PPP2R2B: variants seen among roughly 807,000 people sequenced by gnomAD.
The protein encoded by PPP2R2B is serine/threonine-protein phosphatase 2A 55 kDa regulatory subunit B beta isoform.
A neutral mutation model predicts 46.0 loss-of-function variants in PPP2R2B; 5 were observed. That is an observed-to-expected ratio of 0.11 (90% CI 0.06 to 0.23). The LOEUF is 0.23. Ranked by LOEUF, PPP2R2B falls within the 10% of genes least tolerant of loss-of-function variation. PPP2R2B has a pLI of 1.00. For missense variants in PPP2R2B, 367 were observed against 575.0 expected (o/e 0.64, Z 3.70); for synonymous variants, 215 against 206.7 (o/e 1.04, Z -0.34).
chr5:146,649,719 G>A (rs1194575914), intron 6 of PPP2R2B, among the ~76,000 whole-genome samples: 2 of 152,054 alleles, frequency 1.3e-5, no homozygotes, highest in Non-Finnish European at 2.9e-5. Flanking sequence ...CAAAGTGCTG[G>A]GATTATAAGC....
chr5:146,903,351 T>C (rs577581229), intron 1 of PPP2R2B, among the ~76,000 whole-genome samples: 28 of 151,886 alleles, frequency 1.8e-4, no homozygotes, highest in South Asian at 1.7e-3. Flanking sequence ...TTTTTTGTTT[T>C]TGTTTTTGCT....
chr5:146,909,334 T>C (rs1763104731), intron 1 of PPP2R2B, among the ~76,000 whole-genome samples: 1 of 152,208 alleles, frequency 6.6e-6, no homozygotes, highest in African/African-American at 2.4e-5. Context: ...GGGATATTCT[T>C]GGATTTTTAT....
chr5:146,729,167 T>C (rs571928682), intron 2 of PPP2R2B, among the ~76,000 whole-genome samples: 1 of 152,198 alleles, frequency 6.6e-6, no homozygotes, highest in East Asian at 1.9e-4. Context: ...ATGAGGAACT[T>C]GTTGGGAACT....
intron 1 of PPP2R2B, among the ~76,000 whole-genome samples, chr5:146,893,383 C>A (rs1209165622): frequency 6.6e-6 from 1 of 152,162 alleles, no homozygotes; most frequent in Non-Finnish European, 1.5e-5. Flanking sequence ...AAACCCACTT[C>A]TTTTTCTGCC....
In PPP2R2B at chr5:147,055,752, T is replaced by TA. The variant is rs1757058260; in HGVS notation, c.-10dup. ...CGAGAGAAGCATTTCATCTTCCAAA[T>TA]AAAAAATAAAAATCTAAATAAAAAA... On this transcript the variant is annotated 5_prime_UTR_variant, in exon 1 of 9. Coordinates refer to the PPP2R2B transcript ENST00000336640. 2.5e-6 allele frequency: 4 copies of TA among 1,605,284 alleles called. No homozygotes were observed. In the African/African-American group the frequency reaches 4.0e-5, roughly 16 times the overall value.
intron 2 of PPP2R2B, among the ~76,000 whole-genome samples, chr5:146,725,127 C>T (rs1383740159): frequency 6.6e-6 from 1 of 152,150 alleles, no homozygotes; most frequent in Non-Finnish European, 1.5e-5. Flanking sequence ...CTTCCCTTTG[C>T]CTTCCTTTCC....
At chr5:146,987,317 C>T (rs895062269) in intron 1 of PPP2R2B, among the ~76,000 whole-genome samples, 2 of 151,966 alleles carry the variant, frequency 1.3e-5, no homozygotes, top group African/African-American at 2.4e-5. Context: ...AACAAGAAAA[C>T]ATCTGAAGAA....
intron 2 of PPP2R2B, among the ~76,000 whole-genome samples, chr5:146,825,377 G>A (rs1000881533): frequency 6.6e-6 from 1 of 152,164 alleles, no homozygotes; most frequent in African/African-American, 2.4e-5. Flanking sequence ...GTATCTCCTA[G>A]TATTCTGCTT....
At chr5:146,769,011 G>A (rs1164929810) in intron 2 of PPP2R2B, among the ~76,000 whole-genome samples, 1 of 151,968 alleles carries the variant, frequency 6.6e-6, no homozygotes, top group African/African-American at 2.4e-5. Flanking sequence ...CCAAGTAGGT[G>A]GGAAAGCAGG....
At position 146,833,388 on chromosome 5, in the gene PPP2R2B, G is replaced by A. The variant is rs368468958; in HGVS notation, c.70+44614C>T. On this transcript the variant is annotated intron_variant, in intron 2 of 9. Coordinates refer to ENST00000394411, the MANE Select transcript of PPP2R2B (RefSeq NM_181675.4). The stretch of plus-strand genomic sequence containing the variant: ...TTAAGCCTTTCACTAGTCACAGCAA[G>A]AGTACATGCAAGGATCTAAGCAAAC... 1.2e-4 allele frequency among the ~76,000 whole-genome samples: 18 copies of A among 152,276 alleles called. No homozygotes were observed. The East Asian group carries it at 3.1e-3, about 26-fold the overall frequency.
intron 1 of PPP2R2B, among the ~76,000 whole-genome samples, chr5:146,913,624 AC>A (rs1384148989): frequency 6.6e-6 from 1 of 151,684 alleles, no homozygotes; most frequent in African/African-American, 2.4e-5. Context: ...TTAGCTGAGG[AC>A]CCCACAAGAC....
intron 1 of PPP2R2B, among the ~76,000 whole-genome samples, chr5:146,990,197 C>T (rs1753632454): frequency 6.6e-6 from 1 of 151,616 alleles, no homozygotes; most frequent in Admixed American, 6.6e-5. Flanking sequence ...TGTCAAAATA[C>T]CAATGATATT....
At chr5:146,793,743 T>A (rs1262211876) in intron 2 of PPP2R2B, among the ~76,000 whole-genome samples, 1 of 152,108 alleles carries the variant, frequency 6.6e-6, no homozygotes, top group African/African-American at 2.4e-5. Flanking sequence ...TGATACATGT[T>A]TAGGGTTAGA....
At chr5:147,026,054 T>C (rs1223328735) in intron 1 of PPP2R2B, among the ~76,000 whole-genome samples, 1 of 152,118 alleles carries the variant, frequency 6.6e-6, no homozygotes, top group Non-Finnish European at 1.5e-5. Context: ...GCACAATCAC[T>C]GTAGAAAACA....
rs138849592 is a variant in PPP2R2B, at chr5:147,064,703, A to G, written c.50+16356T>C. On this transcript the variant is annotated intron_variant, in intron 2 of 10. Transcript: ENST00000394413. ...CTAGCATATGAAACAATATTTGTAA[A>G]TGTGTTTTGAAAACTTAACTATATA... 2.5e-3 allele frequency among the ~76,000 whole-genome samples: 384 copies of G among 152,326 alleles called. 1 individual carries two copies. The highest frequency in any genetic ancestry group is 8.7e-3 in the African/African-American group (361 of 41,572).
intron 7 of PPP2R2B, among the ~76,000 whole-genome samples, chr5:146,627,155 G>T (rs1314788453): frequency 6.6e-6 from 1 of 152,202 alleles, no homozygotes; most frequent in Non-Finnish European, 1.5e-5. Context: ...GGAAGTGTGT[G>T]TCTGTGTGTG....
intron 1 of PPP2R2B, chr5:146,919,321 C>A (rs1303662018): frequency 1.3e-5 from 2 of 152,188 alleles, no homozygotes; most frequent in African/African-American, 4.8e-5. Flanking sequence ...TTTTTCCCAA[C>A]TAATTTCAGA....
chr5:146,914,960 T>C (rs913321263), intron 1 of PPP2R2B, among the ~76,000 whole-genome samples: 8 of 152,224 alleles, frequency 5.3e-5, no homozygotes, highest in African/African-American at 1.7e-4. Flanking sequence ...TTCATAAAGA[T>C]GTTCTGGTTA....
chr5:147,036,096 A>G (rs1302962741), intron 1 of PPP2R2B, among the ~76,000 whole-genome samples: 1 of 152,112 alleles, frequency 6.6e-6, no homozygotes, highest in Admixed American at 6.6e-5. Flanking sequence ...TGCTGCACAC[A>G]TCATCCCATC....
Sources: gnomAD v4.1 joint callset for allele counts (sites outside exome capture counted in the v4.1 genomes callset) on GRCh38, gnomAD v4.1.1 for gene constraint, MANE v1.5 for transcripts, NCBI Gene and HGNC (gene_info 2026-07-23, HGNC 2026-07-21) for gene names.